The following TBL2 variants were observed in gnomAD, a reference collection of about 807,000 sequenced individuals.
TBL2 encodes transducin beta like 2, also known as transducin beta-like protein 2.
Under a neutral mutation model 41.8 loss-of-function variants are expected in TBL2, and 33 were observed. That is an observed-to-expected ratio of 0.79 (90% CI 0.60 to 1.06). The LOEUF is 1.06. Among genes scored for constraint, TBL2 ranks in the 50% least tolerant of loss-of-function variants. The pLI is 0.00. For synonymous variants in TBL2, 239 were observed against 241.7 expected (o/e 0.99, Z 0.10); for missense variants, 522 against 603.8 (o/e 0.86, Z 1.42).
At chr7:73,573,611 C>T in intron 3 of TBL2, 140 bp from the exon 4 acceptor site, 2 of 1,157,860 alleles carry the variant, frequency 1.7e-6, no homozygotes, top group South Asian at 1.6e-5. Flanking sequence ...CCCCTGGTTC[C>T]AAATCTCATA....
intron 3 of TBL2, chr7:73,573,709 G>C: frequency 1.3e-6 from 1 of 754,370 alleles, no homozygotes; most frequent in East Asian, 2.7e-5. Context: ...TGGAAGCCAG[G>C]CCAAGGTATT....
At chr7:73,573,220 G>C (rs1036807445) in intron 4 of TBL2, 100 bp downstream of exon 4, 1 of 1,529,636 alleles carries the variant, frequency 6.5e-7, no homozygotes, top group East Asian at 2.3e-5. Flanking sequence ...GTTCCTCTCA[G>C]GTTGAGCAGA....
chr7:73,578,103 T>G (rs1554589346), intron 1 of TBL2: 1 of 678,574 alleles, frequency 1.5e-6, no homozygotes. Context: ...TGGTGCTTTT[T>G]CCGAGATCGC....
intron 1 of TBL2, among the ~76,000 whole-genome samples, chr7:73,575,828 G>C (rs1331083245): frequency 6.6e-6 from 1 of 151,092 alleles, no homozygotes; most frequent in Admixed American, 6.6e-5. Flanking sequence ...AGGATTGCTT[G>C]AGCTCAGGAG....
rs782214365 is a variant in TBL2, at chr7:73,570,897, G to T, written c.954C>A (p.Pro318=). The change falls in exon 7 of 7, where the codon CCC becomes CCA. Residue 318 remains proline, a synonymous_variant. Coordinates refer to ENST00000305632, the MANE Select transcript of TBL2 (RefSeq NM_012453.4). ...TDVEYKKKQD[P]YLLKTGRFEE... ...CAAAGCGGCCTGTCTTCAGCAAGTA[G>T]GGGTCCTGCTTCTTCTTGTATTCCA... 1.2e-6 allele frequency: 2 copies of T among 1,613,736 alleles called. No individual in the cohort carries two copies. Among genetic ancestry groups the T allele is most frequent in the African/African-American group, 2.7e-5 (2 of 74,956 alleles).
Position 73,570,775 on chromosome 7 carries a change from G to A in TBL2, c.1076C>T (p.Thr359Ile), listed in dbSNP as rs1563446632. The A allele has an allele frequency of 6.2e-7, 1 of 1,614,164 alleles. No individual in the cohort carries two copies. The highest frequency in any genetic ancestry group is 1.3e-5 in the African/African-American group (1 of 75,084). ...ASGSSIHLYN[T>I]RRGEKEECFE... ...GCACTCCTCCTTCTCGCCCCGCCGGGTATTGTAGAGATGAATACTACTGCC... is the reference window on the plus strand; with the variant it reads ...GCACTCCTCCTTCTCGCCCCGCCGGATATTGTAGAGATGAATACTACTGCC... The change falls in exon 7 of 7, where the codon ACC becomes ATC. Residue 359 changes from threonine to isoleucine, a missense_variant. Physicochemically the swap from Thr to Ile is moderately conservative, Grantham distance 89. Transcript: ENST00000305632.
Position 73,574,162 on chromosome 7 carries a change from G to GGGGGAGATGGGGAAGCCAAACCTGGAGCC in TBL2, c.262-69_262-41dup, listed in dbSNP as rs1563452318. ...GCAGGAAGTGTCAATAGGAGCTCCTGGGGGAGATGGGGAAGCCAAACCTGG... is the reference window on the plus strand; with the variant it reads ...GCAGGAAGTGTCAATAGGAGCTCCTGGGGGAGATGGGGAAGCCAAACCTGGAGCCGGGGAGATGGGGAAGCCAAACCTGG... On this transcript the variant is annotated intron_variant, in intron 2 of 6. Transcript: ENST00000305632. 7 of 1,602,906 alleles carry GGGGGAGATGGGGAAGCCAAACCTGGAGCC rather than the reference G, an allele frequency of 4.4e-6. No homozygotes were observed. In the African/African-American group the frequency reaches 9.4e-5, roughly 21 times the overall value.
At chr7:73,578,272 A>T in intron 1 of TBL2, 148 bp downstream of exon 1, 3 of 1,533,884 alleles carry the variant, frequency 2.0e-6, no homozygotes, top group Non-Finnish European at 2.6e-6. Context: ...CCGTCTCTGG[A>T]AGCGAAGCTC....
In TBL2 at chr7:73,572,988, G is replaced by T; in HGVS notation, c.599-18C>A. 2 of 1,614,106 alleles carry T rather than the reference G, an allele frequency of 1.2e-6. No homozygotes were observed. Among genetic ancestry groups the T allele is most frequent in the South Asian group, 1.1e-5 (1 of 91,068 alleles). Reference sequence around the variant, plus strand: ...AAACTTCCCTGAGCGGGAAGGGAGTGATGTGGGTCACGGGCAGTGACCTGA... The same window carrying T: ...AAACTTCCCTGAGCGGGAAGGGAGTTATGTGGGTCACGGGCAGTGACCTGA... On this transcript the variant is annotated intron_variant, in intron 4 of 6. Coordinates refer to ENST00000305632, the MANE Select transcript of TBL2 (RefSeq NM_012453.4).
intron 1 of TBL2, among the ~76,000 whole-genome samples, chr7:73,576,248 C>T (rs1451844486): frequency 6.8e-6 from 1 of 147,862 alleles, no homozygotes; most frequent in Non-Finnish European, 1.5e-5. Context: ...TCTGTTGCCT[C>T]AGTCTCGATC....
intron 3 of TBL2, chr7:73,573,734 G>C (rs1242765381): frequency 1.3e-6 from 1 of 762,264 alleles, no homozygotes; most frequent in Non-Finnish European, 2.1e-6. Flanking sequence ...GGTAGGAAGA[G>C]ACCTCCCCCT....
In TBL2 at chr7:73,573,841, G is replaced by A. The variant is rs1327796605; in HGVS notation, c.446+97C>T. The A allele has an allele frequency of 4.7e-6, 7 of 1,474,792 alleles. No homozygotes were observed. The East Asian group carries it at 6.9e-5, about 14-fold the overall frequency. 91.4% of individuals were successfully genotyped at this position (1,474,792 alleles called of 1,614,324 possible). ...TCTGGCACCCCAAGGGAGGCCCTGG[G>A]TCCAGGTCCCTCCTCACTACCTCAA... On this transcript the variant is annotated intron_variant, in intron 3 of 6. Coordinates refer to ENST00000305632, the MANE Select transcript of TBL2 (RefSeq NM_012453.4).
At chr7:73,576,797 T>C in intron 1 of TBL2, 1 of 437,020 alleles carries the variant, frequency 2.3e-6, no homozygotes, top group Non-Finnish European at 4.6e-6. Context: ...TACCAAATGC[T>C]GTTTGGGGAC....
chr7:73,573,485 G>T lies in TBL2; in HGVS notation c.447-14C>A, dbSNP rs1793102229. The T allele has an allele frequency of 6.2e-7, 1 of 1,613,682 alleles. No homozygotes were observed. The highest frequency in any genetic ancestry group is 1.3e-5 in the African/African-American group (1 of 74,870). On this transcript the variant is annotated splice_polypyrimidine_tract_variant and intron_variant, in intron 3 of 6. Transcript: ENST00000305632. Reference sequence around the variant, plus strand: ...ACGATGAAGGCTCTAGAGACAGGCAGCAGACAAGTCACGCTCTCACTGGAC... The same window carrying T: ...ACGATGAAGGCTCTAGAGACAGGCATCAGACAAGTCACGCTCTCACTGGAC...
In TBL2 at chr7:73,571,175, G is replaced by A; in HGVS notation, c.878+14C>T. ...CAAGAGCCACTGGTCAGACATCAGAGCGGATTCACTCACCTCCGTGAGTCG... is the reference window on the plus strand; with the variant it reads ...CAAGAGCCACTGGTCAGACATCAGAACGGATTCACTCACCTCCGTGAGTCG... On this transcript the variant is annotated intron_variant, in intron 6 of 6. Coordinates refer to ENST00000305632, the MANE Select transcript of TBL2 (RefSeq NM_012453.4). The A allele has an allele frequency of 6.2e-7, 1 of 1,614,150 alleles. No individual in the cohort carries two copies. The highest frequency in any genetic ancestry group is 8.5e-7 in the Non-Finnish European group (1 of 1,180,014).
At chr7:73,577,605 C>G (rs1793419947) in intron 1 of TBL2, among the ~76,000 whole-genome samples, 1 of 152,190 alleles carries the variant, frequency 6.6e-6, no homozygotes, top group South Asian at 2.1e-4. Flanking sequence ...GGGCTGCCCA[C>G]TGACTCTCTG....
rs201015381 is a variant in TBL2 at position 73,574,151 on chromosome 7, T to C, written c.262-29A>G. 2.0e-3 allele frequency: 3,262 copies of C among 1,609,948 alleles called. 6 individuals carry two copies. The highest frequency in any genetic ancestry group is 2.6e-3 in the Non-Finnish European group (3,003 of 1,177,138). On this transcript the variant is annotated intron_variant, in intron 2 of 6. Transcript: ENST00000305632. Reference sequence around the variant, plus strand: ...GGGGAAGGGTGGCAGGAAGTGTCAATAGGAGCTCCTGGGGGAGATGGGGAA... The same window carrying C: ...GGGGAAGGGTGGCAGGAAGTGTCAACAGGAGCTCCTGGGGGAGATGGGGAA...
chr7:73,577,404 C>A (rs1290816172), intron 1 of TBL2, among the ~76,000 whole-genome samples: 1 of 151,854 alleles, frequency 6.6e-6, no homozygotes, highest in Non-Finnish European at 1.5e-5. Context: ...GGCGAAACCC[C>A]GTCTACTAAA....
intron 3 of TBL2, 89 bp downstream of exon 3, chr7:73,573,849 C>T (rs1793124271): frequency 1.3e-6 from 2 of 1,507,866 alleles, no homozygotes; most frequent in African/African-American, 1.4e-5. Flanking sequence ...GGGTCCAGGT[C>T]CCTCCTCACT....
Sources: gnomAD v4.1 joint callset for allele counts (sites outside exome capture counted in the v4.1 genomes callset) on GRCh38, gnomAD v4.1.1 for gene constraint, MANE v1.5 for transcripts, NCBI Gene and HGNC (gene_info 2026-07-23, HGNC 2026-07-21) for gene names.